CEP63: variants seen among roughly 807,000 people sequenced by gnomAD.
CEP63 encodes centrosomal protein of 63 kDa.
CEP63 carries 84 observed loss-of-function variants against 89.1 expected under a neutral mutation model. The observed-to-expected ratio is 0.94, with a 90% CI of 0.79 to 1.13. The LOEUF (loss-of-function observed/expected upper bound fraction) is 1.13. Among genes scored for constraint, CEP63 ranks in the 50% most tolerant of loss-of-function variants. The pLI is 0.00. For synonymous variants in CEP63, 267 were observed against 272.5 expected (o/e 0.98, Z 0.20); for missense variants, 838 against 813.3 (o/e 1.03, Z -0.37).
chr3:134,763,793 A>T, the CEP63 span, among the ~76,000 whole-genome samples: 6 of 152,240 alleles, frequency 3.9e-5, no homozygotes, highest in Admixed American at 3.9e-4. Context: ...TATTTTAAAT[A>T]ACACTTAGTT....
chr3:134,527,602 G>A (rs1200687845), intron 3 of CEP63, among the ~76,000 whole-genome samples: 1 of 152,224 alleles, frequency 6.6e-6, no homozygotes, highest in Non-Finnish European at 1.5e-5. Context: ...TGCCAGCAAA[G>A]CCATGTGGGG....
chr3:134,601,983 T>TTATCAAGGCAC, the CEP63 span, among the ~76,000 whole-genome samples: 1 of 152,176 alleles, frequency 6.6e-6, no homozygotes, highest in Non-Finnish European at 1.5e-5. Context: ...CATCTGGTAC[T>TTATCAAGGCAC]TCTGTGAGCA....
At chr3:134,499,139 A>C (rs1941155874) in intron 2 of CEP63, among the ~76,000 whole-genome samples, 1 of 152,218 alleles carries the variant, frequency 6.6e-6, no homozygotes, top group African/African-American at 2.4e-5. Context: ...AGTTGGTAGA[A>C]TTCAGCAGTA....
the CEP63 span, among the ~76,000 whole-genome samples, chr3:134,678,376 A>T: frequency 1.3e-5 from 2 of 152,110 alleles, no homozygotes; most frequent in African/African-American, 4.8e-5. Context: ...TGGTTTCCAC[A>T]ACCCTCTGGA....
At chr3:134,629,487 G>T in the CEP63 span, 1 of 657,418 alleles carries the variant, frequency 1.5e-6, no homozygotes, top group Non-Finnish European at 2.7e-6. Context: ...TCATGCTTCT[G>T]CCTTTTCCCA....
chr3:134,529,533 G>A (rs1273985555), intron 3 of CEP63, among the ~76,000 whole-genome samples: 1 of 151,912 alleles, frequency 6.6e-6, no homozygotes, highest in African/African-American at 2.4e-5. Flanking sequence ...TAGAGATGAG[G>A]TTTTGTCGTG....
the CEP63 span, among the ~76,000 whole-genome samples, chr3:134,721,165 A>G: frequency 2.6e-5 from 4 of 152,088 alleles, no homozygotes; most frequent in Admixed American, 2.6e-4. Flanking sequence ...TGTAGTTGTC[A>G]GCATACAAAT....
intron 3 of CEP63, among the ~76,000 whole-genome samples, chr3:134,530,240 T>C (rs1949594599): frequency 6.6e-6 from 1 of 152,204 alleles, no homozygotes; most frequent in Non-Finnish European, 1.5e-5. Context: ...GTCATGTGCT[T>C]TGTATTTCAG....
chr3:134,544,349 A>G (rs1952719493), intron 6 of CEP63, among the ~76,000 whole-genome samples: 1 of 152,226 alleles, frequency 6.6e-6, no homozygotes, highest in Non-Finnish European at 1.5e-5. Flanking sequence ...GCTAAAACCC[A>G]ATACTGCTGG....
At chr3:134,486,225 G>T in intron 1 of CEP63, 23 bp downstream of exon 1, 1 of 985,656 alleles carries the variant, frequency 1.0e-6, no homozygotes, top group Non-Finnish European at 1.2e-6. Context: ...AGGCTCAGGG[G>T]CGTGCTTGCG....
At chr3:134,754,348 T>C in the CEP63 span, among the ~76,000 whole-genome samples, 3 of 152,156 alleles carry the variant, frequency 2.0e-5, no homozygotes, top group Admixed American at 2.0e-4. Flanking sequence ...AGGAATCTAC[T>C]CAGAAGGCCA....
chr3:134,623,917 G>A, the CEP63 span, among the ~76,000 whole-genome samples: 10 of 152,086 alleles, frequency 6.6e-5, no homozygotes, highest in Non-Finnish European at 1.5e-5. Context: ...CTCCACCCCT[G>A]CAATATGATG....
At chr3:134,746,000 T>G in the CEP63 span, among the ~76,000 whole-genome samples, 1 of 151,808 alleles carries the variant, frequency 6.6e-6, no homozygotes, top group Non-Finnish European at 1.5e-5. Context: ...ATGTGCCATG[T>G]TGGTTTTTGC....
rs1944689868 is a variant in CEP63, at chr3:134,510,839, C to G, written c.222+3553C>G. 2.0e-5 allele frequency: 6 copies of G among 305,106 alleles called. No individual in the cohort carries two copies. The South Asian group carries it at 2.0e-4, about 10-fold the overall frequency. 18.9% of individuals were successfully genotyped at this position (305,106 alleles called of 1,614,324 possible). A position where few individuals can be genotyped will look rare whatever the true frequency, so the allele number is the denominator to read the frequency against. ...AGCACCTGGGGTAGAAGTTTTCTTACAGCTGTATTAACTCCTTCAAGGAGA... is the reference window on the plus strand; with the variant it reads ...AGCACCTGGGGTAGAAGTTTTCTTAGAGCTGTATTAACTCCTTCAAGGAGA... On this transcript the variant is annotated intron_variant, in intron 3 of 14. Coordinates refer to ENST00000675561, the MANE Select transcript of CEP63 (RefSeq NM_001353108.3).
the CEP63 span, chr3:134,610,574 C>T: frequency 2.2e-5 from 13 of 586,064 alleles, no homozygotes; most frequent in Admixed American, 1.5e-4. Context: ...CAGGGAGATA[C>T]AGTGCTGGCT....
At chr3:134,550,350 G>C in intron 11 of CEP63, 90 bp downstream of exon 11, 2 of 1,291,132 alleles carry the variant, frequency 1.5e-6, no homozygotes, top group South Asian at 1.3e-5. Flanking sequence ...ATTTAATTCA[G>C]TGAATTTTTA....
chr3:134,666,945 G>C, the CEP63 span, among the ~76,000 whole-genome samples: 1 of 152,120 alleles, frequency 6.6e-6, no homozygotes, highest in Admixed American at 6.5e-5. Context: ...CTGTTTTACC[G>C]GAAAGCCCAT....
rs1464983668 is a variant in CEP63, at chr3:134,520,818, C to A, written c.223-11027C>A. ...ACATGTCACTGGATCAACTGAGTAA[C>A]AATATGGGGGAAAAAGAAAGATTTT... On this transcript the variant is annotated intron_variant, in intron 3 of 14. Coordinates refer to ENST00000675561, the MANE Select transcript of CEP63 (RefSeq NM_001353108.3). 2.0e-5 allele frequency among the ~76,000 whole-genome samples: 3 copies of A among 152,046 alleles called. No homozygotes were observed. In the East Asian group the frequency reaches 5.8e-4, roughly 29 times the overall value.
At chr3:134,522,369 G>A (rs1195656540) in intron 3 of CEP63, among the ~76,000 whole-genome samples, 2 of 152,094 alleles carry the variant, frequency 1.3e-5, no homozygotes, top group African/African-American at 4.8e-5. Flanking sequence ...TCTGGATGTG[G>A]GTTCACAAGG....
Sources: allele counts gnomAD v4.1 joint callset (sites outside exome capture counted in the v4.1 genomes callset), GRCh38; gene constraint gnomAD v4.1.1; transcripts MANE v1.5; gene names NCBI Gene and HGNC (gene_info 2026-07-23, HGNC 2026-07-21).